Variants in HSPA4L observed in about 807,000 individuals in gnomAD.
HSPA4L encodes the protein heat shock protein family A (Hsp70) member 4 like.
Under a neutral mutation model 100.3 loss-of-function variants are expected in HSPA4L, and 48 were observed. That is an observed-to-expected ratio of 0.48 (90% CI 0.38 to 0.61). The LOEUF is 0.61. HSPA4L is among the 20% of genes least tolerant of loss of function. The pLI, the probability that HSPA4L is intolerant of heterozygous loss-of-function variation, is 0.00. For synonymous variants in HSPA4L, 319 were observed against 328.2 expected (o/e 0.97, Z 0.30); for missense variants, 886 against 988.6 (o/e 0.90, Z 1.39).
chr4:127,809,386 C>A, intron 11 of HSPA4L: 1 of 1,214,668 alleles, frequency 8.2e-7, no homozygotes, highest in Non-Finnish European at 1.2e-6. Context: ...TTGCAGCATG[C>A]TCATGCACAT....
In HSPA4L at chr4:127,782,359, C is replaced by T. The variant is rs528190677; in HGVS notation, c.-192C>T. 2.8e-5 allele frequency: 16 copies of T among 581,278 alleles called. No individual in the cohort carries two copies. Among genetic ancestry groups the T allele is most frequent in the Non-Finnish European group, 3.7e-5 (12 of 323,960 alleles). The allele number at this position is 581,278 out of a possible 1,614,324, so 36.0% of individuals were successfully genotyped here. A position where few individuals can be genotyped will look rare whatever the true frequency, so the allele number is the denominator to read the frequency against. On this transcript the variant is annotated 5_prime_UTR_variant, in exon 1 of 19. Transcript: ENST00000296464. The stretch of plus-strand genomic sequence containing the variant: ...CCCAGGCTGCGGGACGCGGTGCAGG[C>T]TGCGGCGCTGACGGCCTCTGCTCCT...
chr4:127,808,595 C>T (rs1392744820), intron 11 of HSPA4L, among the ~76,000 whole-genome samples: 1 of 151,912 alleles, frequency 6.6e-6, no homozygotes, highest in Non-Finnish European at 1.5e-5. Context: ...TGCTTGAGCC[C>T]AGGAGTTGAA....
intron 17 of HSPA4L, among the ~76,000 whole-genome samples, chr4:127,827,830 T>C (rs571376989): frequency 1.3e-5 from 2 of 152,240 alleles, no homozygotes; most frequent in African/African-American, 4.8e-5. Context: ...ATTTTTCTTT[T>C]AGTTGCTTTT....
In HSPA4L at chr4:127,839,199, G is replaced by A. The variant is rs1291896709; in HGVS notation, c.*6325G>A. On this transcript the variant is annotated 3_prime_UTR_variant, in exon 19 of 19. Transcript: ENST00000296464. ...ATGTGTGTTGTGCATCTTCCTTGTT[G>A]TTTTAGAGTTTCCTAAATTTTTTGC... 6.6e-6 allele frequency: 1 copy of A among 152,128 alleles called. No homozygotes were observed. The highest frequency in any genetic ancestry group is 1.5e-5 in the Non-Finnish European group (1 of 68,024). The allele number at this position is 152,128 out of a possible 1,614,324, so 9.4% of individuals were successfully genotyped here.
In HSPA4L at chr4:127,803,885, GT is replaced by G; in HGVS notation, c.908+17del. 6.2e-7 allele frequency: 1 copy of G among 1,611,328 alleles called. No homozygotes were observed. Among genetic ancestry groups the G allele is most frequent in the Non-Finnish European group, 8.5e-7 (1 of 1,178,460 alleles). Reference sequence around the variant, plus strand: ...AGTAAAATGAACAGGTACCACGTATGTTTTTAGTTTGAAAAGTGTTTACTTA... The same window carrying G: ...AGTAAAATGAACAGGTACCACGTATGTTTTAGTTTGAAAAGTGTTTACTTA... On this transcript the variant is annotated intron_variant, in intron 7 of 18. Transcript: ENST00000296464.
Position 127,808,135 on chromosome 4 carries a change from A to AT in HSPA4L, c.1378+7dup. On this transcript the variant is annotated splice_region_variant and intron_variant, in intron 11 of 18. Coordinates refer to ENST00000296464, the MANE Select transcript of HSPA4L (RefSeq NM_014278.4). ...TTATCCTGATGCAAGAATTGGTAAG[A>AT]TAAAAAAAAGTTCTCCATAACATTT... is the stretch of plus-strand genomic sequence containing the variant. The AT allele has an allele frequency of 1.3e-6, 2 of 1,582,822 alleles. No homozygotes were observed. Among genetic ancestry groups the AT allele is most frequent in the Non-Finnish European group, 1.7e-6 (2 of 1,171,260 alleles).
chr4:127,797,647 G>A (rs1378219800), intron 3 of HSPA4L, among the ~76,000 whole-genome samples: 1 of 149,100 alleles, frequency 6.7e-6, no homozygotes, highest in African/African-American at 2.5e-5. Context: ...TGTCTCCCAG[G>A]CTGGAGTGCA....
At chr4:127,827,799 CTTTAT>C (rs536941018) in intron 17 of HSPA4L, among the ~76,000 whole-genome samples, 259 of 152,034 alleles carry the variant, frequency 1.7e-3, no homozygotes, top group African/African-American at 6.0e-3. Flanking sequence ...CTCTGCTAGC[CTTTAT>C]TTTGTTTCTT....
intron 8 of HSPA4L, among the ~76,000 whole-genome samples, chr4:127,804,608 AACACACACACAC>A (rs56013070): frequency 1.7e-4 from 25 of 144,408 alleles, no homozygotes; most frequent in African/African-American, 4.4e-4. Context: ...TCTGTCTCAA[AACACACACACAC>A]ACACACACAC....
At chr4:127,784,404 G>A (rs1578684156) in intron 1 of HSPA4L, among the ~76,000 whole-genome samples, 1 of 152,184 alleles carries the variant, frequency 6.6e-6, no homozygotes, top group South Asian at 2.1e-4. Context: ...TAAAAAGTGG[G>A]CTTCTAGAGT....
At chr4:127,789,027 A>G (rs1041441017) in intron 1 of HSPA4L, among the ~76,000 whole-genome samples, 1 of 152,220 alleles carries the variant, frequency 6.6e-6, no homozygotes, top group African/African-American at 2.4e-5. Context: ...AATGGAGAAT[A>G]ATAGGGAGCA....
intron 17 of HSPA4L, among the ~76,000 whole-genome samples, chr4:127,829,076 C>T (rs1259244798): frequency 6.6e-6 from 1 of 152,080 alleles, no homozygotes; most frequent in African/African-American, 2.4e-5. Context: ...AAGTAAAGGA[C>T]TGCCAGGGTT....
At position 127,803,800 on chromosome 4, in the gene HSPA4L, G is replaced by A. The variant is rs200996353; in HGVS notation, c.835G>A (p.Ala279Thr). 130 of 1,613,816 alleles carry A rather than the reference G, an allele frequency of 8.1e-5. 3 individuals are homozygous for A. The highest frequency in any genetic ancestry group is 7.9e-4 in the South Asian group (72 of 91,082). ...ECEKLKKLMS[A>T]NASDLPLNIE... ...TGAAAAACTAAAGAAGCTAATGAGTGCAAATGCATCAGATCTTCCATTGAA... is the reference window on the plus strand; with the variant it reads ...TGAAAAACTAAAGAAGCTAATGAGTACAAATGCATCAGATCTTCCATTGAA... Residue 279 changes from alanine (A) to threonine (T), a missense_variant, in exon 7 of 19, where the codon GCA (alanine) becomes ACA (threonine). Coordinates refer to ENST00000296464, the MANE Select transcript of HSPA4L (RefSeq NM_014278.4).
At chr4:127,804,608 AACACACACACACAC>A (rs56013070) in intron 8 of HSPA4L, among the ~76,000 whole-genome samples, 8 of 144,314 alleles carry the variant, frequency 5.5e-5, no homozygotes, top group African/African-American at 1.0e-4. Context: ...TCTGTCTCAA[AACACACACACACAC>A]ACACACACAC....
chr4:127,813,133 C>T, intron 12 of HSPA4L: 4 of 1,392,576 alleles, frequency 2.9e-6, no homozygotes, highest in Non-Finnish European at 4.0e-6. Context: ...AGGAATAACT[C>T]CATGTTTTCT....
intron 1 of HSPA4L, among the ~76,000 whole-genome samples, chr4:127,786,730 G>A (rs1732729191): frequency 6.6e-6 from 1 of 152,228 alleles, no homozygotes; most frequent in African/African-American, 2.4e-5. Context: ...GCCTCCCAAA[G>A]TGCTGGGATT....
In HSPA4L at chr4:127,805,140, A is replaced by T; in HGVS notation, c.1053A>T (p.Lys351Asn). 6.2e-7 allele frequency: 1 copy of T among 1,611,980 alleles called. No individual in the cohort carries two copies. The highest frequency in any genetic ancestry group is 8.5e-7 in the Non-Finnish European group (1 of 1,178,442). The change falls in exon 9 of 19, where the codon AAA becomes AAT. Residue 351 changes from lysine (K) to asparagine (N), a missense_variant. Physicochemically the swap from Lys to Asn is moderately conservative, Grantham distance 94. Coordinates refer to ENST00000296464, the MANE Select transcript of HSPA4L (RefSeq NM_014278.4). ...GAGCAACACGAATTCCTGCAGTGAA[A>T]GAACAAATCACTAAATTCTTTCTTA... is the stretch of plus-strand genomic sequence containing the variant. The part of the protein sequence containing the change: ...VGGATRIPAV[K>N]EQITKFFLKD...
At chr4:127,809,608 G>T (rs745483272) in intron 11 of HSPA4L, 1 of 587,460 alleles carries the variant, frequency 1.7e-6, no homozygotes, top group Non-Finnish European at 3.1e-6. Flanking sequence ...AAAGGAATGT[G>T]TAAGTGAAAG....
intron 1 of HSPA4L, 102 bp downstream of exon 1, chr4:127,782,759 C>A (rs1038059779): frequency 8.0e-6 from 7 of 871,926 alleles, no homozygotes; most frequent in South Asian, 1.8e-5. Flanking sequence ...TTTCCCCTAA[C>A]GTGCGCCGAA....
Sources: gnomAD v4.1 joint callset for allele counts (sites outside exome capture counted in the v4.1 genomes callset) on GRCh38, gnomAD v4.1.1 for gene constraint, MANE v1.5 for transcripts, NCBI Gene and HGNC (gene_info 2026-07-23, HGNC 2026-07-21) for gene names.